The following VGLL4 variants were observed in gnomAD, a reference collection of about 807,000 sequenced individuals.
The protein encoded by VGLL4 is vestigial like family member 4.
A neutral mutation model predicts 21.0 loss-of-function variants in VGLL4; 7 were observed. The observed-to-expected ratio is 0.33, with a 90% CI of 0.19 to 0.63. VGLL4 has a LOEUF of 0.63. Ranked by LOEUF, VGLL4 falls within the 20% of genes least tolerant of loss-of-function variation. The pLI is 0.78. For synonymous variants in VGLL4, 222 were observed against 173.2 expected (o/e 1.28, Z -2.21); for missense variants, 394 against 425.7 (o/e 0.93, Z 0.66).
chr3:11,673,423 G>A (rs1467247272), intron 2 of VGLL4, among the ~76,000 whole-genome samples: 1 of 151,962 alleles, frequency 6.6e-6, no homozygotes, highest in Non-Finnish European at 1.5e-5. Context: ...GTCCGGAAGG[G>A]AGAAAGGGGG....
intron 1 of VGLL4, chr3:11,633,791 G>C (rs1344962591): frequency 1.3e-5 from 2 of 152,244 alleles, no homozygotes; most frequent in East Asian, 1.9e-4. Flanking sequence ...ATTTCAGATA[G>C]AGGCAAAAGG....
chr3:11,689,242 T>C (rs1018117803), intron 2 of VGLL4, among the ~76,000 whole-genome samples: 4 of 152,176 alleles, frequency 2.6e-5, no homozygotes, highest in Non-Finnish European at 5.9e-5. Context: ...CTTTTCAATG[T>C]TTCTTGGCCT....
intron 3 of VGLL4, among the ~76,000 whole-genome samples, chr3:11,564,124 T>C (rs570422442): frequency 6.6e-6 from 1 of 152,356 alleles, no homozygotes; most frequent in East Asian, 1.9e-4. Context: ...GCTCAAGCAG[T>C]AATTTTGAGC....
chr3:11,689,656 T>C (rs1315603846), intron 2 of VGLL4, among the ~76,000 whole-genome samples: 3 of 152,206 alleles, frequency 2.0e-5, no homozygotes, highest in Non-Finnish European at 4.4e-5. Context: ...GGTGATCCTT[T>C]GATGTGCATT....
At chr3:11,713,590 A>C (rs990851736) in intron 1 of VGLL4, among the ~76,000 whole-genome samples, 105 of 139,140 alleles carry the variant, frequency 7.5e-4, no homozygotes, top group Non-Finnish European at 1.2e-3. Context: ...ATATATATAT[A>C]TCTGCATAAA....
Position 11,719,598 on chromosome 3 carries a change from C to G in VGLL4, c.-14+796G>C, listed in dbSNP as rs1387364795. On this transcript the variant is annotated intron_variant, in intron 1 of 5. Transcript: ENST00000273038. The surrounding 1 kb of genome is among the most constrained non-coding windows in gnomAD (Gnocchi z 4.0). The stretch of plus-strand genomic sequence containing the variant: ...ACGCACACGCACACGCACGCGCGGA[C>G]CGGGCCGGCGGACGGGAGCGCGGGA... 2 of 152,098 alleles carry G rather than the reference C, an allele frequency of 1.3e-5. No individual in the cohort carries two copies. The highest frequency in any genetic ancestry group is 6.5e-5 in the Admixed American group (1 of 15,272). 9.4% of individuals were successfully genotyped at this position (152,098 alleles called of 1,614,324 possible).
Position 11,671,256 on chromosome 3 carries a change from T to G in VGLL4, c.64+31715A>C, listed in dbSNP as rs763716035. Reference sequence around the variant, plus strand: ...GAAAATGTGAAAATCAAAAGAACATTTTTACCATGGTGCAGACCTGGATGT... The same window carrying G: ...GAAAATGTGAAAATCAAAAGAACATGTTTACCATGGTGCAGACCTGGATGT... On this transcript the variant is annotated intron_variant, in intron 2 of 5. Coordinates refer to the VGLL4 transcript ENST00000273038. 1.5e-5 allele frequency: 23 copies of G among 1,563,406 alleles called. No homozygotes were observed. The African/African-American group carries it at 2.6e-4, about 18-fold the overall frequency.
intron 1 of VGLL4, among the ~76,000 whole-genome samples, chr3:11,617,073 T>C (rs903451554): frequency 6.6e-6 from 1 of 152,080 alleles, no homozygotes; most frequent in South Asian, 2.1e-4. Flanking sequence ...TAAAAAGAGA[T>C]GCACTTTTTA....
chr3:11,615,714 C>T (rs1403720575), intron 1 of VGLL4, among the ~76,000 whole-genome samples: 2 of 152,048 alleles, frequency 1.3e-5, no homozygotes, highest in African/African-American at 4.8e-5. Flanking sequence ...CTTTAATTTG[C>T]AGTTTGAGAG....
chr3:11,586,920 A>G (rs1460513864), intron 2 of VGLL4, among the ~76,000 whole-genome samples: 1 of 152,242 alleles, frequency 6.6e-6, no homozygotes, highest in African/African-American at 2.4e-5. Flanking sequence ...TAGCCTCAAA[A>G]TGAAAGTCAC....
rs1398018028 is a variant in VGLL4 at position 11,643,306 on chromosome 3, G to T, written c.82+131C>A. On this transcript the variant is annotated intron_variant, in intron 1 of 4. Transcript: ENST00000430365. ...ACACTCGGTGCCGAACCGAACCTAA[G>T]AAACGCCGGCCTTTCAAGTGCCCTA... The T allele has an allele frequency of 3.5e-6, 5 of 1,426,342 alleles. No homozygotes were observed. The African/African-American group carries it at 5.7e-5, about 16-fold the overall frequency. 88.4% of individuals were successfully genotyped at this position (1,426,342 alleles called of 1,614,324 possible).
At chr3:11,573,312 GAAGGAAGA>G (rs2073907136) in intron 2 of VGLL4, among the ~76,000 whole-genome samples, 2 of 9,832 alleles carry the variant, frequency 2.0e-4, no homozygotes, top group Admixed American at 1.0e-3. Flanking sequence ...AGAAAGGAAG[GAAGGAAGA>G]AAGAAAGAAA....
chr3:11,635,413 G>A (rs1010840327), intron 1 of VGLL4, among the ~76,000 whole-genome samples: 4 of 152,250 alleles, frequency 2.6e-5, no homozygotes, highest in African/African-American at 9.6e-5. Flanking sequence ...TTCCCCTGAA[G>A]GAAGGAACAT....
intron 2 of VGLL4, among the ~76,000 whole-genome samples, chr3:11,574,117 C>T (rs1413737749): frequency 2.6e-5 from 4 of 152,174 alleles, no homozygotes; most frequent in East Asian, 1.9e-4. Context: ...GCACCAGGAA[C>T]GGTGAGACAA....
intron 2 of VGLL4, among the ~76,000 whole-genome samples, chr3:11,586,375 G>C (rs1315762171): frequency 1.3e-5 from 2 of 152,130 alleles, no homozygotes; most frequent in Non-Finnish European, 2.9e-5. Flanking sequence ...ATAGAAAGAG[G>C]AGATTATCAC....
At chr3:11,581,817 T>TG (rs142989988) in intron 2 of VGLL4, among the ~76,000 whole-genome samples, 2,468 of 152,336 alleles carry the variant, frequency 0.016, 64 homozygotes, top group African/African-American at 0.053. Flanking sequence ...TACCCCCTTT[T>TG]GGAGGCGATC....
At chr3:11,712,024 A>G (rs1165734145) in intron 1 of VGLL4, among the ~76,000 whole-genome samples, 2 of 152,100 alleles carry the variant, frequency 1.3e-5, no homozygotes, top group Non-Finnish European at 2.9e-5. Flanking sequence ...TGCAGCACAT[A>G]TTCTTCCTGT....
At chr3:11,608,062 G>A (rs935364323) in intron 1 of VGLL4, among the ~76,000 whole-genome samples, 3 of 152,162 alleles carry the variant, frequency 2.0e-5, no homozygotes, top group Non-Finnish European at 4.4e-5. Flanking sequence ...AGTGCAAGAG[G>A]CTTTTCCCTC....
At chr3:11,639,016 G>T (rs906589375) in intron 1 of VGLL4, among the ~76,000 whole-genome samples, 5 of 152,186 alleles carry the variant, frequency 3.3e-5, no homozygotes, top group African/African-American at 9.7e-5. Context: ...AGCTTTGAGA[G>T]GATCACACTA....
Sources: allele counts gnomAD v4.1 joint callset (sites outside exome capture counted in the v4.1 genomes callset), GRCh38; gene constraint gnomAD v4.1.1; non-coding constraint Gnocchi (gnomAD v3.1); transcripts MANE v1.5; gene names NCBI Gene and HGNC (gene_info 2026-07-23, HGNC 2026-07-21).